The following ARHGAP15 variants were observed in gnomAD, a reference collection of about 807,000 sequenced individuals.
ARHGAP15 encodes the protein Rho GTPase activating protein 15.
In ARHGAP15, 51 loss-of-function variants were observed where a neutral mutation model predicts 63.7. That is an observed-to-expected ratio of 0.80 (90% CI 0.64 to 1.01). ARHGAP15 has a LOEUF of 1.01. ARHGAP15 is among the 50% of genes least tolerant of loss of function. The pLI is 0.00. For synonymous variants in ARHGAP15, 191 were observed against 193.8 expected, an observed-to-expected ratio of 0.99 and a Z score of 0.12; for missense variants, 560 against 564.6, an observed-to-expected ratio of 0.99 and a Z score of 0.08.
chr2:143,411,241 G>T lies in ARHGAP15; in HGVS notation c.475-24360G>T, dbSNP rs572159719. 2.6e-4 allele frequency among the ~76,000 whole-genome samples: 8 copies of T among 30,950 alleles called. No individual in the cohort carries two copies. The East Asian group carries it at 5.7e-3, about 22-fold the overall frequency. 20.3% of individuals were successfully genotyped at this position (30,950 alleles called of 152,430 possible). A position where few individuals can be genotyped will look rare whatever the true frequency, so the allele number is the denominator to read the frequency against. ...AAGAAAGAAAATATAGTAGGAAAGG[G>T]TACATTAAGATACTTATAAAACTAT... On this transcript the variant is annotated intron_variant, in intron 6 of 13. Coordinates refer to ENST00000295095, the MANE Select transcript of ARHGAP15 (RefSeq NM_018460.4).
intron 11 of ARHGAP15, among the ~76,000 whole-genome samples, chr2:143,589,773 G>A (rs1013608832): frequency 6.6e-6 from 1 of 152,070 alleles, no homozygotes; most frequent in African/African-American, 2.4e-5. Flanking sequence ...GACTTTTGGA[G>A]CTAGGGAAAA....
intron 6 of ARHGAP15, among the ~76,000 whole-genome samples, chr2:143,274,993 T>A (rs1681472216): frequency 7.0e-6 from 1 of 142,890 alleles, no homozygotes; most frequent in Non-Finnish European, 1.5e-5. Context: ...AAACCCCATC[T>A]CTACTAAAAA....
At chr2:143,165,943 G>GAAGAAAGAGAGAAAGA (rs1553442817) in intron 2 of ARHGAP15, among the ~76,000 whole-genome samples, 24 of 92,616 alleles carry the variant, frequency 2.6e-4, no homozygotes, top group South Asian at 1.0e-3. Flanking sequence ...GAAAAGAAAA[G>GAAGAAAGAGAGAAAGA]AAGAAAGAAA....
chr2:143,742,052 G>A (rs1685982885), intron 13 of ARHGAP15, among the ~76,000 whole-genome samples: 1 of 152,204 alleles, frequency 6.6e-6, no homozygotes, highest in South Asian at 2.1e-4. Context: ...GAAGATTTCT[G>A]AGAGCCAGGT....
chr2:143,170,106 C>T (rs1690713021), intron 2 of ARHGAP15, among the ~76,000 whole-genome samples: 1 of 149,814 alleles, frequency 6.7e-6, no homozygotes, highest in African/African-American at 2.4e-5. Flanking sequence ...AAATGAGCTT[C>T]CAACACCCAC....
intron 6 of ARHGAP15, among the ~76,000 whole-genome samples, chr2:143,338,477 A>G (rs1012752406): frequency 2.0e-5 from 3 of 152,172 alleles, no homozygotes; most frequent in Non-Finnish European, 4.4e-5. Flanking sequence ...ATTAAAATAC[A>G]ATGTGTGAAA....
chr2:143,248,747 T>A lies in ARHGAP15; in HGVS notation c.385-1764T>A, dbSNP rs150248418. Among the ~76,000 whole-genome samples the A allele has an allele frequency of 3.7e-3, 562 of 152,314 alleles. 5 individuals are homozygous for A. The highest frequency in any genetic ancestry group is 0.013 in the African/African-American group (540 of 41,560). On this transcript the variant is annotated intron_variant, in intron 5 of 13. Transcript: ENST00000295095. ...CAGAGGCAAGGAAAATACGGAATCT[T>A]CCTCATTTTAGCCTTAGACTTCTGT...
chr2:143,308,028 A>G (rs1439126443), intron 6 of ARHGAP15, among the ~76,000 whole-genome samples: 1 of 152,162 alleles, frequency 6.6e-6, no homozygotes, highest in Admixed American at 6.6e-5. Context: ...ACATTTAAGC[A>G]AAATTTAAGA....
chr2:143,693,646 A>T (rs905521552), intron 12 of ARHGAP15, among the ~76,000 whole-genome samples: 1 of 152,180 alleles, frequency 6.6e-6, no homozygotes, highest in Non-Finnish European at 1.5e-5. Flanking sequence ...ACTTGAACTC[A>T]TGGTTTTAAA....
intron 12 of ARHGAP15, among the ~76,000 whole-genome samples, chr2:143,637,965 C>CAGTT: frequency 6.6e-6 from 1 of 151,702 alleles, no homozygotes; most frequent in Non-Finnish European, 1.5e-5. Flanking sequence ...CATCTCACAC[C>CAGTT]AGTTAGAATG....
At chr2:143,515,121 C>T (rs375270091) in intron 9 of ARHGAP15, among the ~76,000 whole-genome samples, 1 of 152,132 alleles carries the variant, frequency 6.6e-6, no homozygotes, top group African/African-American at 2.4e-5. Context: ...TTCGTAACAT[C>T]TTTCCTAGGT....
At chr2:143,427,745 C>T (rs1689195606) in intron 6 of ARHGAP15, among the ~76,000 whole-genome samples, 1 of 152,030 alleles carries the variant, frequency 6.6e-6, no homozygotes, top group African/African-American at 2.4e-5. Flanking sequence ...CTGCCATTAT[C>T]AATCTTCAAA....
In ARHGAP15 at chr2:143,320,827, T is replaced by C. The variant is rs145026395; in HGVS notation, c.474+70227T>C. ...ACAGGATGAGGTTTTAAATAAAAAG[T>C]GACTTTTTAAGATTCATATTGCTGC... On this transcript the variant is annotated intron_variant, in intron 6 of 13. Coordinates refer to ENST00000295095, the MANE Select transcript of ARHGAP15 (RefSeq NM_018460.4). Among the ~76,000 whole-genome samples the C allele has an allele frequency of 1.6e-3, 241 of 152,178 alleles. 1 individual carries two copies. The highest frequency in any genetic ancestry group is 3.0e-3 in the Non-Finnish European group (201 of 67,996).
rs960073491 is a variant in ARHGAP15, at chr2:143,216,976, G to A, written c.296+531G>A. Among the ~76,000 whole-genome samples the A allele has an allele frequency of 5.3e-5, 8 of 152,044 alleles. 1 individual carries two copies. The highest frequency in any genetic ancestry group is 6.5e-5 in the Admixed American group (1 of 15,268). ...AGAAAAAAAGTAAGGTTGATAGGAC[G>A]GTAAAGAAAGATGATAATTGTGTGG... is the stretch of plus-strand genomic sequence containing the variant. On this transcript the variant is annotated intron_variant, in intron 4 of 13. Transcript: ENST00000295095.
chr2:143,742,696 TGCTA>T (rs1019159774), intron 13 of ARHGAP15, among the ~76,000 whole-genome samples: 17 of 152,196 alleles, frequency 1.1e-4, no homozygotes, highest in African/African-American at 3.6e-4. Flanking sequence ...GTGTTTTGCG[TGCTA>T]GCCTCAGTTT....
chr2:143,222,690 T>TTTG (rs752789002), intron 4 of ARHGAP15, among the ~76,000 whole-genome samples: 30 of 151,992 alleles, frequency 2.0e-4, no homozygotes, highest in Admixed American at 1.6e-3. Flanking sequence ...TTGGGGGTGT[T>TTTG]TTGTTGTTGT....
intron 6 of ARHGAP15, among the ~76,000 whole-genome samples, chr2:143,337,922 A>G (rs1684876854): frequency 6.6e-6 from 1 of 152,160 alleles, no homozygotes; most frequent in South Asian, 2.1e-4. Context: ...TTTCTTCTTG[A>G]TATAGTACTG....
intron 6 of ARHGAP15, among the ~76,000 whole-genome samples, chr2:143,403,826 A>G (rs976749848): frequency 4.0e-5 from 6 of 151,812 alleles, no homozygotes; most frequent in Non-Finnish European, 8.8e-5. Flanking sequence ...AGTTTCTATT[A>G]TGAGTATATG....
intron 6 of ARHGAP15, among the ~76,000 whole-genome samples, chr2:143,264,263 A>G (rs1680884621): frequency 1.3e-5 from 2 of 152,050 alleles, no homozygotes; most frequent in Admixed American, 1.3e-4. Flanking sequence ...CTGATGTCAT[A>G]TAATTAGATA....
Sources: gnomAD v4.1 joint callset for allele counts (sites outside exome capture counted in the v4.1 genomes callset) on GRCh38, gnomAD v4.1.1 for gene constraint, MANE v1.5 for transcripts, NCBI Gene and HGNC (gene_info 2026-07-23, HGNC 2026-07-21) for gene names.